The following LRRTM3 variants were observed in gnomAD, a reference collection of about 807,000 sequenced individuals.
LRRTM3 encodes the protein leucine-rich repeat transmembrane neuronal protein 3.
In LRRTM3, 24 loss-of-function variants were observed where a neutral mutation model predicts 44.7. The observed-to-expected ratio is 0.54, with a 90% CI of 0.39 to 0.76. The LOEUF (loss-of-function observed/expected upper bound fraction) is 0.76, where lower values mean the gene tolerates loss of function less well. Among genes scored for constraint, LRRTM3 ranks in the 30% least tolerant of loss-of-function variants. The pLI, the probability that LRRTM3 is intolerant of heterozygous loss-of-function variation, is 0.00. For synonymous variants in LRRTM3, 277 were observed against 278.7 expected (o/e 0.99, Z 0.06); for missense variants, 587 against 702.2 (o/e 0.84, Z 1.85).
intron 2 of LRRTM3, among the ~76,000 whole-genome samples, chr10:66,978,454 G>C (rs1704187092): frequency 6.8e-6 from 1 of 146,588 alleles, no homozygotes; most frequent in South Asian, 2.2e-4. Flanking sequence ...TTTAACCTGG[G>C]AGGCGGAGGT....
At chr10:67,045,105 T>C (rs1424685885) in intron 2 of LRRTM3, among the ~76,000 whole-genome samples, 1 of 152,208 alleles carries the variant, frequency 6.6e-6, no homozygotes, top group African/African-American at 2.4e-5. Context: ...GACTACCAGA[T>C]ACGTGATGCT....
chr10:67,062,062 A>C (rs1855786631), intron 2 of LRRTM3, among the ~76,000 whole-genome samples: 2 of 152,170 alleles, frequency 1.3e-5, no homozygotes, highest in East Asian at 3.8e-4. Context: ...AAGGGGAGGT[A>C]ATAATATCTT....
At chr10:66,946,413 CAT>C (rs1848277798) in intron 2 of LRRTM3, among the ~76,000 whole-genome samples, 1 of 152,016 alleles carries the variant, frequency 6.6e-6, no homozygotes, top group African/African-American at 2.4e-5. Context: ...ATATAATATA[CAT>C]AGAGAAAAGT....
At chr10:67,016,971 ATT>A (rs1028555323) in intron 2 of LRRTM3, among the ~76,000 whole-genome samples, 63 of 152,314 alleles carry the variant, frequency 4.1e-4, no homozygotes, top group African/African-American at 1.4e-3. Context: ...GTTCACATAA[ATT>A]GTATCTACTG....
intron 2 of LRRTM3, among the ~76,000 whole-genome samples, chr10:67,073,336 C>A (rs187581778): frequency 1.8e-4 from 28 of 152,144 alleles, no homozygotes; most frequent in Admixed American, 1.4e-3. Context: ...AATTTTGAAA[C>A]CTGGAACAGT....
At chr10:67,014,343 C>T (rs1193755663) in intron 2 of LRRTM3, among the ~76,000 whole-genome samples, 1 of 152,076 alleles carries the variant, frequency 6.6e-6, no homozygotes, top group Non-Finnish European at 1.5e-5. Flanking sequence ...GGAATCTTGG[C>T]TTCTATTTAC....
At chr10:67,030,182 A>G (rs759806341) in intron 2 of LRRTM3, among the ~76,000 whole-genome samples, 8 of 152,240 alleles carry the variant, frequency 5.3e-5, no homozygotes, top group Admixed American at 3.3e-4. Context: ...TTACAAGGGA[A>G]GTCAGACATT....
At chr10:67,053,338 T>C (rs1352688743) in intron 2 of LRRTM3, among the ~76,000 whole-genome samples, 1 of 152,190 alleles carries the variant, frequency 6.6e-6, no homozygotes. Flanking sequence ...CTGATTCCAT[T>C]GATCTGAGGT....
intron 2 of LRRTM3, among the ~76,000 whole-genome samples, chr10:67,071,421 C>A (rs543721840): frequency 6.8e-6 from 1 of 147,232 alleles, no homozygotes; most frequent in South Asian, 2.1e-4. Flanking sequence ...TTGCAGTTAT[C>A]TTCTCTCAAC....
intron 2 of LRRTM3, among the ~76,000 whole-genome samples, chr10:66,967,198 C>T (rs191186997): frequency 5.5e-4 from 83 of 152,046 alleles, no homozygotes; most frequent in South Asian, 1.9e-3. Flanking sequence ...AGCACATACA[C>T]GCATACATTA....
At chr10:66,962,718 T>A (rs1015467057) in intron 2 of LRRTM3, among the ~76,000 whole-genome samples, 1 of 152,060 alleles carries the variant, frequency 6.6e-6, no homozygotes, top group Non-Finnish European at 1.5e-5. Flanking sequence ...GCCCACCTCC[T>A]CTAAGTCTTT....
At position 66,926,064 on chromosome 10, in the gene LRRTM3, G is replaced by C. The variant is rs755949685; in HGVS notation, c.-520G>C. 2 of 457,346 alleles carry C rather than the reference G, an allele frequency of 4.4e-6. No individual in the cohort carries two copies. Among genetic ancestry groups the C allele is most frequent in the South Asian group, 1.5e-5 (1 of 64,580 alleles). 28.3% of individuals were successfully genotyped at this position (457,346 alleles called of 1,614,324 possible). A position where few individuals can be genotyped will look rare whatever the true frequency, so the allele number is the denominator to read the frequency against. On this transcript the variant is annotated 5_prime_UTR_variant, in exon 1 of 3. Transcript: ENST00000361320. ...AGTCCGAGCAGCTTTCAGAATGACA[G>C]TCTGCAGAAGTGAGCTGAGCGTGTG...
At chr10:67,082,038 C>T (rs150877910) in intron 2 of LRRTM3, among the ~76,000 whole-genome samples, 343 of 152,228 alleles carry the variant, frequency 2.3e-3, no homozygotes, top group South Asian at 3.9e-3. Context: ...ACCTAGGCTA[C>T]CTTTGTTAGA....
chr10:67,017,456 C>T (rs567149327), intron 2 of LRRTM3, among the ~76,000 whole-genome samples: 2 of 152,246 alleles, frequency 1.3e-5, no homozygotes, highest in South Asian at 2.1e-4. Flanking sequence ...CTGTGAGCCA[C>T]GATTAGTCCT....
At chr10:67,018,934 AT>A (rs1174160356) in intron 2 of LRRTM3, among the ~76,000 whole-genome samples, 1 of 152,214 alleles carries the variant, frequency 6.6e-6, no homozygotes, top group Non-Finnish European at 1.5e-5. Context: ...AAGGGAAACT[AT>A]TAAGACAAAC....
rs779748415 is a variant in LRRTM3 at position 66,927,921 on chromosome 10, G to T, written c.1005G>T (p.Glu335Asp). 1.2e-6 allele frequency: 2 copies of T among 1,614,218 alleles called. No individual in the cohort carries two copies. Among genetic ancestry groups the T allele is most frequent in the South Asian group, 2.2e-5 (2 of 91,080 alleles). ...NWLKSFKGLR[E>D]NTIICASPKE... The stretch of plus-strand genomic sequence containing the variant: ...TGAAAAGTTTTAAAGGTCTAAGGGA[G>T]AATACAATTATCTGTGCCAGTCCCA... Residue 335 changes from glutamate to aspartate, a missense_variant, in exon 2 of 3, where the codon GAG (glutamate) becomes GAT (aspartate). Physicochemically the swap from Glu to Asp is conservative, Grantham distance 45. This residue lies in a region of LRRTM3 where 315 missense variants were observed against 335.6 expected (regional missense o/e 0.94). Transcript: ENST00000361320. This position sits in a 1 kb window ranked among gnomAD's most constrained non-coding sequence, Gnocchi z 4.7.
intron 2 of LRRTM3, among the ~76,000 whole-genome samples, chr10:66,941,584 C>G (rs189452775): frequency 2.6e-4 from 39 of 152,152 alleles, no homozygotes; most frequent in Non-Finnish European, 4.6e-4. Context: ...GAAAAAAAAT[C>G]AAAGGCCATA....
intron 2 of LRRTM3, among the ~76,000 whole-genome samples, chr10:67,022,602 GTATAC>G (rs1256534533): frequency 6.6e-6 from 1 of 152,108 alleles, no homozygotes; most frequent in Non-Finnish European, 1.5e-5. Context: ...ACAAAGGTAA[GTATAC>G]TATTTTTTAC....
chr10:67,012,019 A>C (rs1852370299), intron 2 of LRRTM3, among the ~76,000 whole-genome samples: 1 of 152,156 alleles, frequency 6.6e-6, no homozygotes, highest in South Asian at 2.1e-4. Context: ...CTTTAGGTTT[A>C]ATATATGAGG....
Sources: gnomAD v4.1 joint callset for allele counts (sites outside exome capture counted in the v4.1 genomes callset) on GRCh38, gnomAD v4.1.1 for gene constraint, gnomAD v4.1.1 regional missense constraint, Gnocchi (gnomAD v3.1) non-coding constraint, MANE v1.5 for transcripts, NCBI Gene and HGNC (gene_info 2026-07-23, HGNC 2026-07-21) for gene names.